PKP4: variants seen among roughly 807,000 people sequenced by gnomAD.
The protein encoded by PKP4 is plakophilin-4.
A neutral mutation model predicts 145.1 loss-of-function variants in PKP4; 90 were observed. The observed-to-expected ratio is 0.62, with a 90% CI of 0.52 to 0.74. The LOEUF is 0.74. PKP4 is among the 30% of genes least tolerant of loss of function. The probability of loss-of-function intolerance (pLI) is 0.00; values close to 1 mark genes in which losing one functional copy is unlikely to be tolerated. For synonymous variants in PKP4, 563 were observed against 577.2 expected (o/e 0.98, Z 0.35); for missense variants, 1,340 against 1,482.7 (o/e 0.90, Z 1.58).
In PKP4 at chr2:158,669,872, G is replaced by A. The variant is rs1214608803; in HGVS notation, c.2881G>A (p.Gly961Ser). ...ENAKALADSG[G>S]IEKLVNITKG... ...CGCAAAAGCCCTGGCCGACTCAGGAGGCATAGAGAAGCTGGTGAACATAAC... is the reference window on the plus strand; with the variant it reads ...CGCAAAAGCCCTGGCCGACTCAGGAAGCATAGAGAAGCTGGTGAACATAAC... The change falls in exon 17 of 22, where the codon GGC (glycine) becomes AGC (serine). Residue 961 changes from glycine (G) to serine (S), a missense_variant. Physicochemically the swap from Gly to Ser is moderately conservative, Grantham distance 56 (BLOSUM62 0). Coordinates refer to ENST00000389759, the MANE Select transcript of PKP4 (RefSeq NM_003628.6). 1 of 1,613,752 alleles carries A rather than the reference G, an allele frequency of 6.2e-7. No individual in the cohort carries two copies. The highest frequency in any genetic ancestry group is 8.5e-7 in the Non-Finnish European group (1 of 1,179,750).
chr2:158,675,060 G>A (rs1171386236), intron 19 of PKP4, among the ~76,000 whole-genome samples: 1 of 152,140 alleles, frequency 6.6e-6, no homozygotes. Context: ...TAACATCCTT[G>A]CTAAGCTCCC....
At chr2:158,479,492 G>A (rs1419653328) in intron 1 of PKP4, among the ~76,000 whole-genome samples, 1 of 152,094 alleles carries the variant, frequency 6.6e-6, no homozygotes, top group Admixed American at 6.5e-5. Flanking sequence ...CCAAAGTGCT[G>A]GGATTACAGG....
chr2:158,577,512 A>G, intron 3 of PKP4, 129 bp downstream of exon 3: 1 of 619,372 alleles, frequency 1.6e-6, no homozygotes, highest in Non-Finnish European at 2.9e-6. Context: ...GAAACCAAAA[A>G]TGTCCATTTA....
intron 2 of PKP4, among the ~76,000 whole-genome samples, chr2:158,561,487 T>G (rs1250348563): frequency 1.3e-5 from 2 of 152,228 alleles, no homozygotes; most frequent in Non-Finnish European, 1.5e-5. Context: ...ATCAGCACCA[T>G]GCAGTTTGTT....
chr2:158,643,943 T>C (rs2054578666), intron 11 of PKP4, among the ~76,000 whole-genome samples: 1 of 152,036 alleles, frequency 6.6e-6, no homozygotes, highest in Admixed American at 6.5e-5. Flanking sequence ...TTTTTGTATT[T>C]TTAGTAGAGA....
intron 2 of PKP4, among the ~76,000 whole-genome samples, chr2:158,576,423 A>G (rs537843227): frequency 1.3e-5 from 2 of 152,324 alleles, no homozygotes; most frequent in African/African-American, 4.8e-5. Flanking sequence ...GGGGAGCTTG[A>G]GATGCTATTT....
At chr2:158,635,071 A>G (rs976426) in intron 9 of PKP4, among the ~76,000 whole-genome samples, 125,066 of 152,176 alleles carry the variant, frequency 0.82, 52,907 homozygotes, top group East Asian at 0.97. Flanking sequence ...ATTTTAAGGC[A>G]TGTATGCAAG....
intron 11 of PKP4, among the ~76,000 whole-genome samples, chr2:158,652,662 C>T (rs2055485526): frequency 6.6e-6 from 1 of 152,098 alleles, no homozygotes; most frequent in Non-Finnish European, 1.5e-5. Context: ...ATATTTCTAC[C>T]CCCATTTTTC....
Position 158,594,854 on chromosome 2 carries a change from T to A in PKP4, c.246-8216T>A, listed in dbSNP as rs535143742. On this transcript the variant is annotated intron_variant, in intron 3 of 21. Transcript: ENST00000389759. ...TTCAAACTAGGGTCCTGAGAGCCCCTCCGAGGTGGTAGTGAATGTGGTGGT... is the reference window on the plus strand; with the variant it reads ...TTCAAACTAGGGTCCTGAGAGCCCCACCGAGGTGGTAGTGAATGTGGTGGT... Among the ~76,000 whole-genome samples, 3 of 152,296 alleles carry A rather than the reference T, an allele frequency of 2.0e-5. No homozygotes were observed. The South Asian group carries it at 6.2e-4, about 32-fold the overall frequency.
At chr2:158,465,776 C>G (rs1325808080) in intron 1 of PKP4, among the ~76,000 whole-genome samples, 1 of 152,112 alleles carries the variant, frequency 6.6e-6, no homozygotes, top group Non-Finnish European at 1.5e-5. Context: ...TTGTCGACAA[C>G]TACATAAGCA....
chr2:158,523,154 C>T (rs1038323582), intron 1 of PKP4, among the ~76,000 whole-genome samples: 1 of 152,046 alleles, frequency 6.6e-6, no homozygotes, highest in Non-Finnish European at 1.5e-5. Context: ...CTGCCTGCCT[C>T]TGTAGGCTCC....
chr2:158,612,017 T>TAAA (rs113392065), intron 4 of PKP4, among the ~76,000 whole-genome samples: 1 of 142,296 alleles, frequency 7.0e-6, no homozygotes. Context: ...TATGCTTCTT[T>TAAA]AAAAAAAAAA....
chr2:158,613,815 A>G (rs892497480), intron 4 of PKP4, among the ~76,000 whole-genome samples: 5 of 152,222 alleles, frequency 3.3e-5, no homozygotes, highest in African/African-American at 9.7e-5. Flanking sequence ...GCTTTTAGCT[A>G]TAACCTTCTG....
At chr2:158,509,063 A>G (rs1361697581) in intron 1 of PKP4, among the ~76,000 whole-genome samples, 1 of 152,210 alleles carries the variant, frequency 6.6e-6, no homozygotes, top group Non-Finnish European at 1.5e-5. Context: ...CAGATTAATG[A>G]AAAGCAAGTT....
chr2:158,644,295 A>G (rs1394227873), intron 11 of PKP4, among the ~76,000 whole-genome samples: 1 of 152,198 alleles, frequency 6.6e-6, no homozygotes, highest in East Asian at 1.9e-4. Context: ...GAGCAGTCAG[A>G]GAAATATTTT....
chr2:158,560,596 T>G (rs1403226232), intron 2 of PKP4, among the ~76,000 whole-genome samples: 1 of 152,214 alleles, frequency 6.6e-6, no homozygotes, highest in African/African-American at 2.4e-5. Context: ...TAATTTTTTT[T>G]TCTCTACTTA....
intron 4 of PKP4, among the ~76,000 whole-genome samples, chr2:158,610,597 A>G (rs1322531854): frequency 1.3e-5 from 2 of 152,218 alleles, no homozygotes; most frequent in African/African-American, 2.4e-5. Context: ...GAAAGAATCT[A>G]TAGGTTGAAG....
intron 1 of PKP4, among the ~76,000 whole-genome samples, chr2:158,471,290 C>T (rs1039447315): frequency 6.6e-6 from 1 of 152,176 alleles, no homozygotes; most frequent in Non-Finnish European, 1.5e-5. Context: ...AATTTTCTTC[C>T]AGAATGTTTC....
At chr2:158,488,515 G>C (rs1295024917) in intron 1 of PKP4, among the ~76,000 whole-genome samples, 1 of 152,132 alleles carries the variant, frequency 6.6e-6, no homozygotes, top group Non-Finnish European at 1.5e-5. Flanking sequence ...TCACAGAGAA[G>C]AGAGATCATT....
Sources: allele counts gnomAD v4.1 joint callset (sites outside exome capture counted in the v4.1 genomes callset), GRCh38; gene constraint gnomAD v4.1.1; transcripts MANE v1.5; gene names NCBI Gene and HGNC (gene_info 2026-07-23, HGNC 2026-07-21).